IL2: variants seen among roughly 807,000 people sequenced by gnomAD.
The protein encoded by IL2 is interleukin 2, also known as interleukin-2.
A neutral mutation model predicts 14.6 loss-of-function variants in IL2; 3 were observed. That is an observed-to-expected ratio of 0.21 (90% CI 0.09 to 0.53). IL2 has a LOEUF of 0.53. IL2 is among the 20% of genes least tolerant of loss of function. IL2 has a pLI of 0.95. For synonymous variants in IL2, 71 were observed against 60.0 expected (o/e 1.18, Z -0.85); for missense variants, 125 against 170.8 (o/e 0.73, Z 1.50).
chr4:122,452,612 AAG>A (rs1193818369), intron 3 of IL2, among the ~76,000 whole-genome samples: 1 of 152,016 alleles, frequency 6.6e-6, no homozygotes, highest in African/African-American at 2.4e-5. Context: ...TGAGATTTAA[AAG>A]AGAGCTTTTC....
Position 122,451,718 on chromosome 4 carries a change from G to A in IL2, c.*34C>T. The A allele has an allele frequency of 1.3e-6, 1 of 787,416 alleles. No homozygotes were observed. Among genetic ancestry groups the A allele is most frequent in the Non-Finnish European group, 2.0e-6 (1 of 508,628 alleles). 48.8% of individuals were successfully genotyped at this position (787,416 alleles called of 1,614,324 possible). On this transcript the variant is annotated 3_prime_UTR_variant, in exon 4 of 4. Coordinates refer to ENST00000226730, the MANE Select transcript of IL2 (RefSeq NM_000586.4). ...ATTTAAATATTTAAATAAATAGAAGGCCTGATATGTTTTAAGTGGGAAGCA... is the reference window on the plus strand; with the variant it reads ...ATTTAAATATTTAAATAAATAGAAGACCTGATATGTTTTAAGTGGGAAGCA...
intron 1 of IL2, 31 bp downstream of exon 1, chr4:122,456,263 A>G (rs778171706): frequency 1.3e-6 from 2 of 1,586,482 alleles, no homozygotes; most frequent in South Asian, 1.1e-5. Context: ...ACTAAATGTA[A>G]TAATTTTAGT....
At chr4:122,453,980 A>G (rs1052781579) in intron 2 of IL2, 127 bp from the exon 3 acceptor site, 1 of 787,264 alleles carries the variant, frequency 1.3e-6, no homozygotes, top group Non-Finnish European at 2.0e-6. Context: ...ATGTCACTGT[A>G]AAGATGGACC....
In IL2 at chr4:122,456,282, A is replaced by G; in HGVS notation, c.147+12T>C. On this transcript the variant is annotated intron_variant, in intron 1 of 3. Transcript: ENST00000226730. ...AATGTAATAATTTTAGTAAGAAAGG[A>G]AATATACTTACATTAATTCCATTCA... The G allele has an allele frequency of 1.9e-6, 3 of 1,602,430 alleles. No individual in the cohort carries two copies. The highest frequency in any genetic ancestry group is 2.6e-6 in the Non-Finnish European group (3 of 1,170,230).
chr4:122,451,862 C>T lies in IL2; in HGVS notation c.352G>A (p.Gly118Arg). The T allele has an allele frequency of 6.6e-7, 1 of 1,526,216 alleles. No homozygotes were observed. The highest frequency in any genetic ancestry group is 8.9e-7 in the Non-Finnish European group (1 of 1,117,436). 94.5% of individuals were successfully genotyped at this position (1,526,216 alleles called of 1,614,324 possible). Residue 118 changes from glycine to arginine, a missense_variant and splice_region_variant, in exon 4 of 4, where the codon GGA becomes AGA. Transcript: ENST00000226730. ...NINVIVLELK[G>R]SETTFMCEYA... ...TCACACATGAATGTTGTTTCAGATC[C>T]CTATAAAAGAAAAATGTTAATTTTT...
chr4:122,456,232 G>T (rs1424749586), intron 1 of IL2, 29 bp from the exon 2 acceptor site: 4 of 1,598,270 alleles, frequency 2.5e-6, no homozygotes, highest in Non-Finnish European at 8.6e-7. Context: ...TTGTTATTAA[G>T]AAATGATCTC....
rs1316060046 is a variant in IL2, at chr4:122,456,221, A to G, written c.148-18T>C. ...TTGTAATTCTAAGAAAGTATAATGC[A>G]TTGTTATTAAGAAATGATCTCCAGC... On this transcript the variant is annotated intron_variant, in intron 1 of 3. Transcript: ENST00000226730. 3 of 1,603,910 alleles carry G rather than the reference A, an allele frequency of 1.9e-6. No homozygotes were observed. The highest frequency in any genetic ancestry group is 2.6e-6 in the Non-Finnish European group (3 of 1,171,582).
rs1203842543 is a variant in IL2, at chr4:122,456,336, C to T, written c.105G>A (p.Glu35=). Residue 35 remains glutamate (E), a synonymous_variant, in exon 1 of 4, where the codon GAG becomes GAA. Coordinates refer to ENST00000226730, the MANE Select transcript of IL2 (RefSeq NM_000586.4). ...SSTKKTQLQL[E]HLLLDLQMIL... ...TCATCTGTAAATCCAGCAGTAAATG[C>T]TCCAGTTGTAGCTGTGTTTTCTTTG... is the stretch of plus-strand genomic sequence containing the variant. The T allele has an allele frequency of 1.3e-5, 21 of 1,611,396 alleles. No individual in the cohort carries two copies. The highest frequency in any genetic ancestry group is 1.7e-5 in the Non-Finnish European group (20 of 1,178,228).
At chr4:122,453,661 CTACT>C in intron 3 of IL2, 45 bp downstream of exon 3, 1 of 1,447,414 alleles carries the variant, frequency 6.9e-7, no homozygotes, top group East Asian at 2.3e-5. Flanking sequence ...ACTTTTCCCC[CTACT>C]TTTTTTTTTT....
At chr4:122,455,302 ACCTAATGTAG>A (rs1383685371) in intron 2 of IL2, among the ~76,000 whole-genome samples, 2 of 151,948 alleles carry the variant, frequency 1.3e-5, no homozygotes, top group African/African-American at 4.8e-5. Flanking sequence ...AGCTTTACAC[ACCTAATGTAG>A]CCTAGGAGCT....
chr4:122,453,214 G>C (rs779806352), intron 3 of IL2, among the ~76,000 whole-genome samples: 1 of 151,506 alleles, frequency 6.6e-6, no homozygotes, highest in Non-Finnish European at 1.5e-5. Flanking sequence ...CCTCTAAAAA[G>C]ATTGTTGTTT....
At position 122,456,397 on chromosome 4, in the gene IL2, G is replaced by C; in HGVS notation, c.44C>G (p.Ala15Gly). ...AGTAGGTGCACTGTTTGTGACAAGT[G>C]CAAGACTTAGTGCAATGCAAGACAG... ...QLLSCIALSLALVTNSAPTSS... is the reference protein window; with the variant it reads ...QLLSCIALSLGLVTNSAPTSS... The change falls in exon 1 of 4, where the codon GCA becomes GGA. Residue 15 changes from alanine to glycine, a missense_variant. Transcript: ENST00000226730. 1 of 1,612,250 alleles carries C rather than the reference G, an allele frequency of 6.2e-7. No individual in the cohort carries two copies. The highest frequency in any genetic ancestry group is 8.5e-7 in the Non-Finnish European group (1 of 1,178,716).
chr4:122,455,716 G>A (rs1216047819), intron 2 of IL2, among the ~76,000 whole-genome samples: 1 of 151,942 alleles, frequency 6.6e-6, no homozygotes, highest in African/African-American at 2.4e-5. Context: ...CCCAGACTCT[G>A]TGCTATTAGT....
chr4:122,456,341 G>A lies in IL2; in HGVS notation c.100C>T (p.Leu34=), dbSNP rs1486180406. ...TGTAAATCCAGCAGTAAATGCTCCA[G>A]TTGTAGCTGTGTTTTCTTTGTAGAA... ...SSSTKKTQLQ[L]EHLLLDLQMI... Residue 34 remains leucine (L), a synonymous_variant, in exon 1 of 4, where the codon CTG becomes TTG. Coordinates refer to ENST00000226730, the MANE Select transcript of IL2 (RefSeq NM_000586.4). 1 of 1,611,564 alleles carries A rather than the reference G, an allele frequency of 6.2e-7. No individual in the cohort carries two copies. Among genetic ancestry groups the A allele is most frequent in the African/African-American group, 1.3e-5 (1 of 74,918 alleles).
intron 3 of IL2, among the ~76,000 whole-genome samples, chr4:122,453,401 C>T (rs1797694984): frequency 6.6e-6 from 1 of 151,730 alleles, no homozygotes; most frequent in African/African-American, 2.4e-5. Context: ...TAAAATCTGC[C>T]TGCTTTCTGT....
chr4:122,456,015 G>A (rs924923385), intron 2 of IL2, 129 bp downstream of exon 2: 2 of 628,400 alleles, frequency 3.2e-6, no homozygotes, highest in South Asian at 2.2e-5. Context: ...ATCAAACTTG[G>A]GTTTTCAAAA....
rs1210225942 is a variant in IL2, at chr4:122,451,824, C to T, written c.390G>A (p.Glu130=). The change falls in exon 4 of 4, where the codon GAG becomes GAA. Residue 130 remains glutamate, a synonymous_variant. Coordinates refer to ENST00000226730, the MANE Select transcript of IL2 (RefSeq NM_000586.4). ...ETTFMCEYAD[E]TATIVEFLNR... ...TCAGAAATTCTACAATGGTTGCTGT[C>T]TCATCAGCATATTCACACATGAATG... 1 of 1,592,482 alleles carries T rather than the reference C, an allele frequency of 6.3e-7. No homozygotes were observed. The highest frequency in any genetic ancestry group is 8.6e-7 in the Non-Finnish European group (1 of 1,167,086).
Position 122,451,656 on chromosome 4 carries a change from A to G in IL2, c.*96T>C, listed in dbSNP as rs1370073430. ...TTTAAGATTAAGAATAATAGTTACA[A>G]TAGGTAGCAAACCATACATTCAACA... is the stretch of plus-strand genomic sequence containing the variant. On this transcript the variant is annotated 3_prime_UTR_variant, in exon 4 of 4. Transcript: ENST00000226730. 1 of 435,254 alleles carries G rather than the reference A, an allele frequency of 2.3e-6. No homozygotes were observed. The highest frequency in any genetic ancestry group is 9.0e-5 in the South Asian group (1 of 11,166). The allele number at this position is 435,254 out of a possible 1,614,324, so 27.0% of individuals were successfully genotyped here.
At chr4:122,453,889 G>C (rs1422284458) in intron 2 of IL2, 36 bp from the exon 3 acceptor site, 5 of 1,562,846 alleles carry the variant, frequency 3.2e-6, no homozygotes, top group South Asian at 1.2e-5. Flanking sequence ...AGTTTACATA[G>C]AGGTCAGAAT....
Sources: gnomAD v4.1 joint callset for allele counts (sites outside exome capture counted in the v4.1 genomes callset) on GRCh38, gnomAD v4.1.1 for gene constraint, MANE v1.5 for transcripts, NCBI Gene and HGNC (gene_info 2026-07-23, HGNC 2026-07-21) for gene names.